Variants in DAAM1 observed in about 807,000 individuals in gnomAD.
DAAM1 encodes the protein dishevelled associated activator of morphogenesis 1.
Under a neutral mutation model 130.0 loss-of-function variants are expected in DAAM1, and 52 were observed. The observed-to-expected ratio is 0.40, with a 90% CI of 0.32 to 0.50. The LOEUF is 0.50. Ranked by LOEUF, DAAM1 falls within the 20% of genes least tolerant of loss-of-function variation. The probability of loss-of-function intolerance (pLI) is 0.61; values close to 1 mark genes in which losing one functional copy is unlikely to be tolerated. For missense variants in DAAM1, 1,134 were observed against 1,303.8 expected, an observed-to-expected ratio of 0.87 and a Z score of 2.01; for synonymous variants, 452 against 444.5, an observed-to-expected ratio of 1.02 and a Z score of -0.21.
At chr14:59,217,514 G>A (rs1888621490) in intron 1 of DAAM1, among the ~76,000 whole-genome samples, 1 of 152,060 alleles carries the variant, frequency 6.6e-6, no homozygotes, top group South Asian at 2.1e-4. Flanking sequence ...GTATTGATTA[G>A]CAATATGTAG....
In DAAM1 at chr14:59,324,118, T is replaced by G; in HGVS notation, c.775-10T>G. ...AACGTTTCAGTCCTTTGTTTTTCTA[T>G]TTTTGATAGACATTAATTAACGACT... On this transcript the variant is annotated splice_polypyrimidine_tract_variant and intron_variant, in intron 6 of 24. Coordinates refer to ENST00000360909, the MANE Select transcript of DAAM1 (RefSeq NM_001270520.2). 1 of 1,380,270 alleles carries G rather than the reference T, an allele frequency of 7.2e-7. No individual in the cohort carries two copies. The highest frequency in any genetic ancestry group is 9.5e-7 in the Non-Finnish European group (1 of 1,054,818). The allele number at this position is 1,380,270 out of a possible 1,614,324, so 85.5% of individuals were successfully genotyped here. A position where few individuals can be genotyped will look rare whatever the true frequency, so the allele number is the denominator to read the frequency against.
At chr14:59,240,695 C>T (rs970015009) in intron 1 of DAAM1, among the ~76,000 whole-genome samples, 12 of 152,100 alleles carry the variant, frequency 7.9e-5, no homozygotes, top group Admixed American at 3.3e-4. Flanking sequence ...GTCATGATTC[C>T]AGGCAAAAAA....
rs186557423 is a variant in DAAM1, at chr14:59,206,834, G to A, written c.-38+18066G>A. On this transcript the variant is annotated intron_variant, in intron 1 of 24. Coordinates refer to ENST00000360909, the MANE Select transcript of DAAM1 (RefSeq NM_001270520.2). ...CTAGTAGATTTAGGAACTAAAGTAG[G>A]GTCTTGACTGGGTTTGTTTTGTTGA... Among the ~76,000 whole-genome samples, 327 of 152,126 alleles carry A rather than the reference G, an allele frequency of 2.1e-3. 3 individuals carry two copies. The highest frequency in any genetic ancestry group is 7.3e-3 in the African/African-American group (303 of 41,508).
intron 2 of DAAM1, among the ~76,000 whole-genome samples, chr14:59,286,042 TTCAGAAAAA>T (rs2097471358): frequency 6.6e-6 from 1 of 151,900 alleles, no homozygotes; most frequent in South Asian, 2.1e-4. Context: ...TCTCAGCAAA[TTCAGAAAAA>T]TCAAAATCAT....
chr14:59,360,946 G>A, intron 22 of DAAM1, 84 bp downstream of exon 22: 1 of 1,220,402 alleles, frequency 8.2e-7, no homozygotes, highest in Non-Finnish European at 1.2e-6. Context: ...GGGTTGTGTT[G>A]GCATGTGGTA....
At chr14:59,195,590 T>C (rs1303204839) in intron 1 of DAAM1, among the ~76,000 whole-genome samples, 2 of 152,202 alleles carry the variant, frequency 1.3e-5, no homozygotes, top group Non-Finnish European at 2.9e-5. Context: ...AACTGGTCTT[T>C]GTCATTTTTA....
chr14:59,301,968 T>C (rs562010391), intron 3 of DAAM1, among the ~76,000 whole-genome samples: 1 of 152,332 alleles, frequency 6.6e-6, no homozygotes, highest in South Asian at 2.1e-4. Flanking sequence ...ACATGTTGAG[T>C]ATCCCATATC....
chr14:59,352,865 C>T (rs1359648118), intron 18 of DAAM1, among the ~76,000 whole-genome samples: 7 of 151,956 alleles, frequency 4.6e-5, no homozygotes, highest in Non-Finnish European at 4.4e-5. Flanking sequence ...ATTTCTGGGC[C>T]CCTTTGGCCT....
intron 1 of DAAM1, among the ~76,000 whole-genome samples, chr14:59,189,494 C>G (rs1887661816): frequency 6.6e-6 from 1 of 152,162 alleles, no homozygotes; most frequent in Non-Finnish European, 1.5e-5. Flanking sequence ...CCGCCCGTCC[C>G]TCTCGGGAGG....
At chr14:59,217,802 C>T (rs1413567186) in intron 1 of DAAM1, among the ~76,000 whole-genome samples, 2 of 151,646 alleles carry the variant, frequency 1.3e-5, no homozygotes. Flanking sequence ...GAAACTCTGT[C>T]TGTACTAAAA....
chr14:59,195,052 AG>A (rs1555353698), intron 1 of DAAM1, among the ~76,000 whole-genome samples: 1 of 152,152 alleles, frequency 6.6e-6, no homozygotes, highest in Non-Finnish European at 1.5e-5. Flanking sequence ...AAGGCTTGTT[AG>A]CCATTAGGCT....
intron 2 of DAAM1, among the ~76,000 whole-genome samples, chr14:59,286,175 T>C (rs1050823532): frequency 2.0e-5 from 3 of 152,132 alleles, no homozygotes; most frequent in African/African-American, 7.2e-5. Flanking sequence ...GAAAGACTTT[T>C]GGGTAAAGAA....
At chr14:59,212,044 A>T (rs548296078) in intron 1 of DAAM1, among the ~76,000 whole-genome samples, 1 of 152,226 alleles carries the variant, frequency 6.6e-6, no homozygotes, top group African/African-American at 2.4e-5. Flanking sequence ...ACATTTTGTA[A>T]CTTTCTTTAT....
intron 3 of DAAM1, among the ~76,000 whole-genome samples, chr14:59,302,279 A>G (rs1884202904): frequency 6.6e-6 from 1 of 152,188 alleles, no homozygotes; most frequent in African/African-American, 2.4e-5. Context: ...AGTAGAAGAG[A>G]ATGTCCTTGT....
intron 3 of DAAM1, among the ~76,000 whole-genome samples, chr14:59,308,509 G>C (rs185188449): frequency 6.6e-6 from 1 of 152,098 alleles, no homozygotes; most frequent in African/African-American, 2.4e-5. Context: ...TCAGTGTCCG[G>C]TGAATTTTTT....
Position 59,196,471 on chromosome 14 carries a change from C to T in DAAM1, c.-38+7703C>T, listed in dbSNP as rs575914017. Among the ~76,000 whole-genome samples the T allele has an allele frequency of 9.2e-5, 14 of 152,268 alleles. No homozygotes were observed. In the South Asian group the frequency reaches 2.7e-3, roughly 29 times the overall value. ...TTAATTGTAAGAAATGGGCCGGGTGCGGTGGCTCACGCCTGTAATCCCAGC... is the reference window on the plus strand; with the variant it reads ...TTAATTGTAAGAAATGGGCCGGGTGTGGTGGCTCACGCCTGTAATCCCAGC... On this transcript the variant is annotated intron_variant, in intron 1 of 24. Transcript: ENST00000360909.
intron 1 of DAAM1, among the ~76,000 whole-genome samples, chr14:59,224,501 C>G (rs957097423): frequency 2.6e-5 from 4 of 152,154 alleles, no homozygotes; most frequent in African/African-American, 7.2e-5. Flanking sequence ...TTTGGAAGCA[C>G]GTAACTTGTT....
At chr14:59,284,991 C>T (rs771429827) in intron 2 of DAAM1, among the ~76,000 whole-genome samples, 2 of 151,922 alleles carry the variant, frequency 1.3e-5, no homozygotes, top group Non-Finnish European at 2.9e-5. Context: ...GGTAACCATC[C>T]CTAAGACACA....
intron 1 of DAAM1, among the ~76,000 whole-genome samples, chr14:59,237,738 C>T (rs1318424295): frequency 6.6e-6 from 1 of 152,116 alleles, no homozygotes; most frequent in African/African-American, 2.4e-5. Context: ...GGATCTTCTC[C>T]CTACTTTCCA....
Sources: allele counts gnomAD v4.1 joint callset (sites outside exome capture counted in the v4.1 genomes callset), GRCh38; gene constraint gnomAD v4.1.1; transcripts MANE v1.5; gene names NCBI Gene and HGNC (gene_info 2026-07-23, HGNC 2026-07-21).